TAF3: variants seen among roughly 807,000 people sequenced by gnomAD.
TAF3 encodes TATA-box binding protein associated factor 3.
TAF3 carries 7 observed loss-of-function variants against 80.6 expected under a neutral mutation model. The observed-to-expected ratio is 0.09, with a 90% CI of 0.05 to 0.16. The LOEUF (loss-of-function observed/expected upper bound fraction) is 0.16, where lower values mean the gene tolerates loss of function less well. TAF3 is among the 10% of genes least tolerant of loss of function. The pLI, the probability that TAF3 is intolerant of heterozygous loss-of-function variation, is 1.00. For missense variants in TAF3, 921 were observed against 1,140.2 expected (o/e 0.81, Z 2.77); for synonymous variants, 444 against 446.1 (o/e 1.00, Z 0.06).
intron 2 of TAF3, among the ~76,000 whole-genome samples, chr10:7,897,329 T>A (rs1837514345): frequency 1.3e-5 from 2 of 152,220 alleles, no homozygotes; most frequent in East Asian, 1.9e-4. Flanking sequence ...TATGTTGATA[T>A]TTACTTTCCA....
intron 2 of TAF3, among the ~76,000 whole-genome samples, chr10:7,857,434 T>A (rs188630792): frequency 2.3e-4 from 35 of 152,330 alleles, no homozygotes; most frequent in Middle Eastern, 3.4e-3. Flanking sequence ...GGAGGAGAAG[T>A]TGGCAGGACG....
At chr10:7,846,768 C>T (rs1035160770) in intron 2 of TAF3, among the ~76,000 whole-genome samples, 1 of 152,066 alleles carries the variant, frequency 6.6e-6, no homozygotes, top group East Asian at 1.9e-4. Flanking sequence ...ACTATTTTAT[C>T]GTTGTAGGAA....
chr10:7,941,487 G>A (rs1837975494), intron 2 of TAF3, among the ~76,000 whole-genome samples: 1 of 152,204 alleles, frequency 6.6e-6, no homozygotes, highest in Admixed American at 6.5e-5. Context: ...GTCAGAGAGT[G>A]AAGAGTTTCA....
In TAF3 at chr10:7,965,387, G is replaced by C; in HGVS notation, c.1877G>C (p.Gly626Ala). Residue 626 changes from glycine to alanine, a missense_variant, in exon 3 of 7, where the codon GGC becomes GCC. Physicochemically the swap from Gly to Ala is moderately conservative, Grantham distance 60. This residue lies in a region of TAF3 where 743 missense variants were observed against 821.0 expected (regional missense o/e 0.90). Coordinates refer to ENST00000344293, the MANE Select transcript of TAF3 (RefSeq NM_031923.4). Reference sequence around the variant, plus strand: ...GATAAGAAGAAAGATAGAGAGAAAGGCAAGAAAGATAAAGATAAGAGAGAG... The same window carrying C: ...GATAAGAAGAAAGATAGAGAGAAAGCCAAGAAAGATAAAGATAAGAGAGAG... ...HKDKKKDREKGKKDKDKREKE... is the reference protein window; with the variant it reads ...HKDKKKDREKAKKDKDKREKE... 6.2e-7 allele frequency: 1 copy of C among 1,609,368 alleles called. No homozygotes were observed. Among genetic ancestry groups the C allele is most frequent in the South Asian group, 1.1e-5 (1 of 89,848 alleles).
chr10:8,007,105 T>G (rs1311666672), intron 4 of TAF3, among the ~76,000 whole-genome samples: 1 of 152,174 alleles, frequency 6.6e-6, no homozygotes, highest in African/African-American at 2.4e-5. Context: ...GTTCTATTTA[T>G]GAGTCAGTGT....
chr10:7,888,945 G>A (rs1475673831), intron 2 of TAF3, among the ~76,000 whole-genome samples: 5 of 152,176 alleles, frequency 3.3e-5, no homozygotes, highest in African/African-American at 1.2e-4. Context: ...TGAGAGATTA[G>A]CCCGTGATTG....
chr10:7,873,167 T>C (rs1837282246), intron 2 of TAF3, among the ~76,000 whole-genome samples: 1 of 152,204 alleles, frequency 6.6e-6, no homozygotes, highest in Non-Finnish European at 1.5e-5. Flanking sequence ...ATCTGGAATC[T>C]TAGGGTTTTT....
At chr10:7,894,965 T>C (rs1249636180) in intron 2 of TAF3, among the ~76,000 whole-genome samples, 3 of 152,170 alleles carry the variant, frequency 2.0e-5, no homozygotes, top group Non-Finnish European at 4.4e-5. Flanking sequence ...AACCTTTGCC[T>C]CCTGGGTTCA....
chr10:7,995,110 T>A (rs941472762), intron 4 of TAF3, among the ~76,000 whole-genome samples: 2 of 152,142 alleles, frequency 1.3e-5, no homozygotes, highest in Non-Finnish European at 2.9e-5. Context: ...ACCACCAAGA[T>A]TATTAAATGA....
At chr10:7,922,865 G>A (rs1232721283) in intron 2 of TAF3, among the ~76,000 whole-genome samples, 1 of 152,008 alleles carries the variant, frequency 6.6e-6, no homozygotes, top group Non-Finnish European at 1.5e-5. Context: ...AACAAAAGCA[G>A]TTAAAATGCA....
intron 2 of TAF3, among the ~76,000 whole-genome samples, chr10:7,935,993 C>CG (rs1837916032): frequency 1.3e-5 from 2 of 152,010 alleles, no homozygotes; most frequent in Admixed American, 1.3e-4. Context: ...TAGGGGCTCA[C>CG]GGAGGGAAGC....
intron 3 of TAF3, among the ~76,000 whole-genome samples, chr10:7,972,982 C>T (rs955828581): frequency 3.3e-5 from 5 of 152,144 alleles, no homozygotes; most frequent in Admixed American, 6.5e-5. Context: ...TCACAATGTG[C>T]GTCAGAGAGT....
At chr10:7,886,639 AACATATAT>A (rs1490252225) in intron 2 of TAF3, among the ~76,000 whole-genome samples, 1 of 152,232 alleles carries the variant, frequency 6.6e-6, no homozygotes, top group Non-Finnish European at 1.5e-5. Flanking sequence ...TAAGTGAAAT[AACATATAT>A]ACATCATAGC....
intron 4 of TAF3, among the ~76,000 whole-genome samples, chr10:7,983,720 T>TC (rs1266654613): frequency 2.6e-5 from 4 of 152,124 alleles, no homozygotes; most frequent in Non-Finnish European, 5.9e-5. Context: ...GCACCTATAC[T>TC]CCCAGCTACT....
In TAF3 at chr10:8,011,922, A is replaced by C. The variant is rs371077188; in HGVS notation, c.2569-1809A>C. Among the ~76,000 whole-genome samples the C allele has an allele frequency of 9.1e-4, 138 of 152,330 alleles. 2 individuals carry two copies. Among genetic ancestry groups the C allele is most frequent in the Middle Eastern group, 6.8e-3 (2 of 294 alleles). ...GCTGTGCATGGTGTCTCACGCCTAT[A>C]ATCCCAGCACTTTGGGAGGCCAAGG... is the stretch of plus-strand genomic sequence containing the variant. On this transcript the variant is annotated intron_variant, in intron 5 of 6. Coordinates refer to ENST00000344293, the MANE Select transcript of TAF3 (RefSeq NM_031923.4).
chr10:7,818,542 G>C lies in TAF3; in HGVS notation c.-168G>C. On this transcript the variant is annotated 5_prime_UTR_variant, in exon 1 of 7. Coordinates refer to ENST00000344293, the MANE Select transcript of TAF3 (RefSeq NM_031923.4). The stretch of plus-strand genomic sequence containing the variant: ...AGCGAGTCCAAAATGGCGGCTCTCA[G>C]GCTGGCGCGCTCCGTGCTGCTGGGG... 1 of 644,896 alleles carries C rather than the reference G, an allele frequency of 1.6e-6. No homozygotes were observed. Among genetic ancestry groups the C allele is most frequent in the South Asian group, 2.6e-5 (1 of 38,404 alleles). The allele number at this position is 644,896 out of a possible 1,614,324, so 39.9% of individuals were successfully genotyped here.
At chr10:7,857,022 T>C (rs1047180451) in intron 2 of TAF3, among the ~76,000 whole-genome samples, 48 of 152,346 alleles carry the variant, frequency 3.2e-4, no homozygotes, top group African/African-American at 1.1e-3. Context: ...TTGTTAATTT[T>C]CCCAACTTTC....
intron 2 of TAF3, among the ~76,000 whole-genome samples, chr10:7,881,408 G>A (rs1837360414): frequency 6.6e-6 from 1 of 151,596 alleles, no homozygotes; most frequent in African/African-American, 2.4e-5. Context: ...AGCAGTATAC[G>A]AAAACTTCAA....
intron 2 of TAF3, among the ~76,000 whole-genome samples, chr10:7,897,438 A>T (rs971864359): frequency 6.6e-6 from 1 of 152,218 alleles, no homozygotes; most frequent in Non-Finnish European, 1.5e-5. Flanking sequence ...GTATACTGTC[A>T]GAGTTTTCTC....
Sources: gnomAD v4.1 joint callset for allele counts (sites outside exome capture counted in the v4.1 genomes callset) on GRCh38, gnomAD v4.1.1 for gene constraint, gnomAD v4.1.1 regional missense constraint, MANE v1.5 for transcripts, NCBI Gene and HGNC (gene_info 2026-07-23, HGNC 2026-07-21) for gene names.